Variants in PLPPR1 observed in about 807,000 individuals in gnomAD.
PLPPR1 encodes phospholipid phosphatase-related protein type 1.
A neutral mutation model predicts 33.1 loss-of-function variants in PLPPR1; 10 were observed. The observed-to-expected ratio is 0.30, with a 90% CI of 0.19 to 0.51. The LOEUF is 0.51. Ranked by LOEUF, PLPPR1 falls within the 20% of genes least tolerant of loss-of-function variation. The probability of loss-of-function intolerance (pLI) is 0.97; values close to 1 mark genes in which losing one functional copy is unlikely to be tolerated. For synonymous variants in PLPPR1, 151 were observed against 151.0 expected, an observed-to-expected ratio of 1.00 and a Z score of 0.00; for missense variants, 304 against 408.1, an observed-to-expected ratio of 0.74 and a Z score of 2.20.
chr9:101,225,026 T>TA (rs1202517428), intron 2 of PLPPR1, among the ~76,000 whole-genome samples: 1 of 152,238 alleles, frequency 6.6e-6, no homozygotes, highest in Non-Finnish European at 1.5e-5. Context: ...ACTTCGGTGA[T>TA]ACTTTTATAG....
rs547214657 is a variant in PLPPR1 at position 101,083,183 on chromosome 9, G to T, written c.-46+54081G>T. Among the ~76,000 whole-genome samples, 7 of 151,684 alleles carry T rather than the reference G, an allele frequency of 4.6e-5. 1 individual carries two copies. Among genetic ancestry groups the T allele is most frequent in the African/African-American group, 1.7e-4 (7 of 41,422 alleles). ...TTTTTGTTTTCTTTTTTTTGAGATC[G>T]AGTCTCACTCTGTTACCCAGGCTGG... On this transcript the variant is annotated intron_variant, in intron 1 of 7. Coordinates refer to ENST00000374874, the MANE Select transcript of PLPPR1 (RefSeq NM_207299.2).
chr9:101,208,299 TCA>T (rs1302366327), intron 2 of PLPPR1, among the ~76,000 whole-genome samples: 2 of 35,568 alleles, frequency 5.6e-5, no homozygotes, highest in African/African-American at 2.8e-4. Context: ...GGTGTGGTTG[TCA>T]CACAGTGATT....
At chr9:101,237,997 A>G (rs1000654377) in intron 2 of PLPPR1, among the ~76,000 whole-genome samples, 3 of 136,900 alleles carry the variant, frequency 2.2e-5, no homozygotes, top group Non-Finnish European at 4.7e-5. Flanking sequence ...ATATATATAT[A>G]TATATATGCT....
intron 5 of PLPPR1, among the ~76,000 whole-genome samples, chr9:101,311,995 A>G (rs1159228471): frequency 6.6e-6 from 1 of 152,222 alleles, no homozygotes; most frequent in Non-Finnish European, 1.5e-5. Context: ...GTAAAACGTC[A>G]GAGTCTTACC....
chr9:101,147,540 A>G (rs1831535394), intron 1 of PLPPR1, among the ~76,000 whole-genome samples: 1 of 152,156 alleles, frequency 6.6e-6, no homozygotes, highest in Non-Finnish European at 1.5e-5. Flanking sequence ...ATTTAGGAGA[A>G]AAAGAGACCC....
At chr9:101,096,116 A>C (rs1423218672) in intron 1 of PLPPR1, among the ~76,000 whole-genome samples, 1 of 152,122 alleles carries the variant, frequency 6.6e-6, no homozygotes, top group Non-Finnish European at 1.5e-5. Flanking sequence ...AACAGGTATA[A>C]ATTCTGTGTA....
At chr9:101,202,673 G>A (rs151093610) in intron 2 of PLPPR1, among the ~76,000 whole-genome samples, 1 of 152,334 alleles carries the variant, frequency 6.6e-6, no homozygotes, top group East Asian at 1.9e-4. Flanking sequence ...GCATTAAAGA[G>A]CACCTCTCAT....
At chr9:101,127,336 G>A (rs1831258149) in intron 1 of PLPPR1, among the ~76,000 whole-genome samples, 1 of 152,180 alleles carries the variant, frequency 6.6e-6, no homozygotes, top group African/African-American at 2.4e-5. Context: ...CGGAGTCTAA[G>A]GATTGAGAAA....
intron 2 of PLPPR1, among the ~76,000 whole-genome samples, chr9:101,268,538 G>T (rs1349071648): frequency 2.0e-5 from 3 of 151,894 alleles, no homozygotes; most frequent in Non-Finnish European, 4.4e-5. Context: ...ATAAGATGCA[G>T]TTTTAGATCC....
At chr9:101,269,696 C>G (rs1284152478) in intron 2 of PLPPR1, 184 bp from the exon 3 acceptor site, 6 of 622,138 alleles carry the variant, frequency 9.6e-6, no homozygotes, top group Admixed American at 2.6e-5. Context: ...GTTTATAGAA[C>G]AGATGTTACA....
intron 1 of PLPPR1, chr9:101,125,458 C>T (rs1206107345): frequency 3.7e-6 from 1 of 273,968 alleles, no homozygotes; most frequent in Non-Finnish European, 7.1e-6. Context: ...TTTTTTATGA[C>T]CCTGGGTAGA....
chr9:101,150,605 C>A (rs952852891), intron 1 of PLPPR1, among the ~76,000 whole-genome samples: 6 of 152,162 alleles, frequency 3.9e-5, no homozygotes, highest in Admixed American at 3.3e-4. Flanking sequence ...ACTCAAAAAT[C>A]TGGTGTGGTT....
intron 2 of PLPPR1, among the ~76,000 whole-genome samples, chr9:101,265,811 A>G (rs1213798641): frequency 2.0e-5 from 3 of 151,930 alleles, no homozygotes; most frequent in South Asian, 4.1e-4. Flanking sequence ...CCTGGCCAAC[A>G]TAGTGAAACC....
intron 2 of PLPPR1, among the ~76,000 whole-genome samples, chr9:101,269,434 C>T (rs1828055275): frequency 6.6e-6 from 1 of 152,086 alleles, no homozygotes; most frequent in African/African-American, 2.4e-5. Context: ...GTTTACCTAC[C>T]TTTCATATTT....
At chr9:101,177,449 G>A (rs749606270) in intron 1 of PLPPR1, among the ~76,000 whole-genome samples, 1 of 152,102 alleles carries the variant, frequency 6.6e-6, no homozygotes, top group African/African-American at 2.4e-5. Context: ...TGTATGTTTT[G>A]TATGGTAAGA....
At chr9:101,310,968 C>T (rs1375200223) in intron 5 of PLPPR1, among the ~76,000 whole-genome samples, 1 of 152,166 alleles carries the variant, frequency 6.6e-6, no homozygotes, top group Non-Finnish European at 1.5e-5. Flanking sequence ...CAAAAAACCT[C>T]TATGCAGGTA....
chr9:101,151,853 C>T (rs1326560934), intron 1 of PLPPR1, among the ~76,000 whole-genome samples: 1 of 152,164 alleles, frequency 6.6e-6, no homozygotes, highest in Non-Finnish European at 1.5e-5. Context: ...CTTTGTCTAA[C>T]TTGCCATTGG....
At chr9:101,084,161 CCT>C (rs1830651381) in intron 1 of PLPPR1, among the ~76,000 whole-genome samples, 1 of 152,130 alleles carries the variant, frequency 6.6e-6, no homozygotes, top group East Asian at 1.9e-4. Context: ...ATCAGGTGGT[CCT>C]AGCCATTGGA....
At chr9:101,163,941 T>C (rs187955129) in intron 1 of PLPPR1, among the ~76,000 whole-genome samples, 1 of 152,274 alleles carries the variant, frequency 6.6e-6, no homozygotes, top group Non-Finnish European at 1.5e-5. Context: ...GAATGTATCT[T>C]GGTAGGAATT....
Sources: gnomAD v4.1 joint callset for allele counts (sites outside exome capture counted in the v4.1 genomes callset) on GRCh38, gnomAD v4.1.1 for gene constraint, MANE v1.5 for transcripts, NCBI Gene and HGNC (gene_info 2026-07-23, HGNC 2026-07-21) for gene names.